MAGI1: variants seen among roughly 807,000 people sequenced by gnomAD.
MAGI1 encodes the protein membrane-associated guanylate kinase, WW and PDZ domain-containing protein 1.
MAGI1 carries 58 observed loss-of-function variants against 139.9 expected under a neutral mutation model. The ratio of observed to expected loss-of-function variants is 0.41; its 90% CI spans 0.34 to 0.52. The LOEUF is 0.52. MAGI1 is among the 20% of genes least tolerant of loss of function. The pLI, the probability that MAGI1 is intolerant of heterozygous loss-of-function variation, is 0.12. For synonymous variants in MAGI1, 812 were observed against 737.9 expected (o/e 1.10, Z -1.63); for missense variants, 1,874 against 1,901.6 (o/e 0.99, Z 0.27).
At chr3:65,689,047 A>C (rs12635081) in intron 1 of MAGI1, among the ~76,000 whole-genome samples, 20,983 of 152,068 alleles carry the variant, frequency 0.14, 2,240 homozygotes, top group East Asian at 0.43. Context: ...TGAGGCAATG[A>C]GATGTTAAGT....
At chr3:65,460,673 A>T (rs1331806121) in intron 5 of MAGI1, among the ~76,000 whole-genome samples, 5 of 151,524 alleles carry the variant, frequency 3.3e-5, no homozygotes, top group African/African-American at 1.2e-4. Flanking sequence ...ATTAGGTATT[A>T]CTCCTAATGC....
At chr3:65,459,453 T>C (rs189626807) in intron 5 of MAGI1, among the ~76,000 whole-genome samples, 10 of 152,358 alleles carry the variant, frequency 6.6e-5, no homozygotes, top group Admixed American at 2.6e-4. Flanking sequence ...AACTGCTATT[T>C]ATATGCTTAT....
rs535755016 is a variant in MAGI1 at position 65,869,910 on chromosome 3, GTGCTGGCACGCAGT to G, written c.313+168072_313+168085del. On this transcript the variant is annotated intron_variant, in intron 1 of 22. Coordinates refer to ENST00000402939, the MANE Select transcript of MAGI1 (RefSeq NM_001033057.2). Reference sequence around the variant, plus strand: ...AGACACATGTGCAGCACGTGGCCCAGTGCTGGCACGCAGTAAGCGTTCAGTGCATCTCTCCTATT... The same window carrying G: ...AGACACATGTGCAGCACGTGGCCCAGAAGCGTTCAGTGCATCTCTCCTATT... 1.8e-3 allele frequency among the ~76,000 whole-genome samples: 271 copies of G among 152,356 alleles called. 1 individual carries two copies. Among genetic ancestry groups the G allele is most frequent in the African/African-American group, 5.9e-3 (246 of 41,576 alleles).
chr3:65,910,862 T>TTTTTTTTTTTTC lies in MAGI1; in HGVS notation c.313+127133_313+127134insGAAAAAAAAAAA, dbSNP rs2061637894. ...TCTTTCAGACATGGTGGACTTTTTT[T>TTTTTTTTTTTTC]TTTTTTTTTTTTTGAGATGGAGACT... On this transcript the variant is annotated intron_variant, in intron 1 of 22. Transcript: ENST00000402939. Among the ~76,000 whole-genome samples, 2 of 113,036 alleles carry TTTTTTTTTTTTC rather than the reference T, an allele frequency of 1.8e-5. 1 individual carries two copies. The highest frequency in any genetic ancestry group is 3.5e-5 in the Non-Finnish European group (2 of 56,542). 74.2% of individuals were successfully genotyped at this position (113,036 alleles called of 152,430 possible). A position where few individuals can be genotyped will look rare whatever the true frequency, so the allele number is the denominator to read the frequency against.
intron 1 of MAGI1, among the ~76,000 whole-genome samples, chr3:65,736,630 T>C (rs1000414709): frequency 2.0e-5 from 3 of 152,022 alleles, no homozygotes; most frequent in Non-Finnish European, 4.4e-5. Context: ...AACCAAGAGC[T>C]CCAATGTCCA....
At chr3:65,976,333 A>G (rs1190760208) in intron 1 of MAGI1, among the ~76,000 whole-genome samples, 1 of 152,194 alleles carries the variant, frequency 6.6e-6, no homozygotes, top group Non-Finnish European at 1.5e-5. Context: ...AATTTATTTA[A>G]AAGATCTTTT....
chr3:65,526,346 T>TTAA (rs1340566883), intron 2 of MAGI1, among the ~76,000 whole-genome samples: 1 of 152,184 alleles, frequency 6.6e-6, no homozygotes, highest in Non-Finnish European at 1.5e-5. Context: ...TCCTTGATTG[T>TTAA]ATTTCATTTG....
intron 2 of MAGI1, among the ~76,000 whole-genome samples, chr3:65,602,920 T>G (rs1347265829): frequency 6.6e-6 from 1 of 152,022 alleles, no homozygotes; most frequent in African/African-American, 2.4e-5. Context: ...AATACAAATA[T>G]TAAAAAGATT....
At chr3:65,416,208 T>C (rs1946206760) in intron 12 of MAGI1, among the ~76,000 whole-genome samples, 2 of 152,344 alleles carry the variant, frequency 1.3e-5, no homozygotes, top group South Asian at 2.1e-4. Context: ...CCCTTTTGCA[T>C]ACCGATTGCA....
At chr3:65,781,661 A>G (rs561087345) in intron 1 of MAGI1, among the ~76,000 whole-genome samples, 1 of 152,360 alleles carries the variant, frequency 6.6e-6, no homozygotes, top group East Asian at 1.9e-4. Context: ...CGTATTATAG[A>G]TAATTCAGTT....
At chr3:65,886,774 A>C (rs2060548798) in intron 1 of MAGI1, among the ~76,000 whole-genome samples, 1 of 152,208 alleles carries the variant, frequency 6.6e-6, no homozygotes, top group African/African-American at 2.4e-5. Context: ...GGTAGAAATG[A>C]ACTTCTACTA....
intron 1 of MAGI1, among the ~76,000 whole-genome samples, chr3:65,701,558 T>C (rs2107612687): frequency 6.6e-6 from 1 of 152,296 alleles, no homozygotes; most frequent in Middle Eastern, 3.4e-3. Flanking sequence ...CAGTCCCAAG[T>C]AGCTTTTAAT....
intron 13 of MAGI1, among the ~76,000 whole-genome samples, chr3:65,393,456 T>C (rs1944101031): frequency 6.6e-6 from 1 of 152,196 alleles, no homozygotes; most frequent in African/African-American, 2.4e-5. Flanking sequence ...GAATACTTTT[T>C]ATAATCAAGA....
chr3:65,710,034 G>A (rs1190070216), intron 1 of MAGI1, among the ~76,000 whole-genome samples: 9 of 152,112 alleles, frequency 5.9e-5, no homozygotes, highest in Admixed American at 3.3e-4. Flanking sequence ...TAAAGCCCAA[G>A]CTTTTGACTT....
At chr3:65,734,746 C>T (rs1018566949) in intron 1 of MAGI1, among the ~76,000 whole-genome samples, 19 of 151,712 alleles carry the variant, frequency 1.3e-4, no homozygotes, top group Admixed American at 6.6e-4. Context: ...TAACAATAAG[C>T]GAGTCCTCTT....
chr3:65,825,710 C>G (rs989603858), intron 1 of MAGI1, among the ~76,000 whole-genome samples: 1 of 152,166 alleles, frequency 6.6e-6, no homozygotes, highest in Non-Finnish European at 1.5e-5. Flanking sequence ...TAATTTTCAG[C>G]CAGGCGCAGT....
chr3:65,904,421 C>G, intron 1 of MAGI1, among the ~76,000 whole-genome samples: 1 of 152,190 alleles, frequency 6.6e-6, no homozygotes, highest in Admixed American at 6.5e-5. Flanking sequence ...GCTAAAACCC[C>G]TCCAGTGAAT....
At chr3:65,512,782 G>A (rs2077664935) in intron 2 of MAGI1, among the ~76,000 whole-genome samples, 3 of 148,950 alleles carry the variant, frequency 2.0e-5, no homozygotes, top group African/African-American at 7.4e-5. Context: ...TAGAAAAAGA[G>A]GGAATCCTCC....
chr3:65,933,746 A>T (rs1017165218), intron 1 of MAGI1, among the ~76,000 whole-genome samples: 2 of 152,210 alleles, frequency 1.3e-5, no homozygotes, highest in Non-Finnish European at 2.9e-5. Flanking sequence ...TCGGAGTAAA[A>T]GAAGAAAGAT....
Sources: gnomAD v4.1 joint callset for allele counts (sites outside exome capture counted in the v4.1 genomes callset) on GRCh38, gnomAD v4.1.1 for gene constraint, MANE v1.5 for transcripts, NCBI Gene and HGNC (gene_info 2026-07-23, HGNC 2026-07-21) for gene names.